Variants in SLC15A5 observed in about 807,000 individuals in gnomAD.
The protein encoded by SLC15A5 is Peptide/histidine transporter ENSP00000340402.
SLC15A5 carries 58 observed loss-of-function variants against 56.1 expected under a neutral mutation model. The ratio of observed to expected loss-of-function variants is 1.03; its 90% confidence interval spans 0.84 to 1.29. The LOEUF (loss-of-function observed/expected upper bound fraction) is 1.29, where lower values mean the gene tolerates loss of function less well. SLC15A5 is among the 50% of genes most tolerant of loss of function. SLC15A5 has a pLI of 0.00. For synonymous variants in SLC15A5, 264 were observed against 250.5 expected (o/e 1.05, Z -0.51); for missense variants, 681 against 672.1 (o/e 1.01, Z -0.15).
intron 5 of SLC15A5, among the ~76,000 whole-genome samples, chr12:16,234,687 A>G (rs1864330133): frequency 6.6e-6 from 1 of 152,164 alleles, no homozygotes; most frequent in African/African-American, 2.4e-5. Flanking sequence ...AGTCCACAAG[A>G]GTCTTGAAGT....
chr12:16,270,917 A>G (rs1195285573), intron 2 of SLC15A5, among the ~76,000 whole-genome samples: 1 of 152,246 alleles, frequency 6.6e-6, no homozygotes, highest in African/African-American at 2.4e-5. Context: ...AACCAGATTC[A>G]GCCTTCAAGG....
At chr12:16,209,883 A>G (rs1465794599) in intron 7 of SLC15A5, among the ~76,000 whole-genome samples, 1 of 152,170 alleles carries the variant, frequency 6.6e-6, no homozygotes, top group African/African-American at 2.4e-5. Context: ...TTCTTCCCTC[A>G]AAAATCATAC....
chr12:16,197,724 A>G (rs7966002), intron 7 of SLC15A5, among the ~76,000 whole-genome samples: 72,822 of 150,934 alleles, frequency 0.48, 18,008 homozygotes, highest in South Asian at 0.72. Flanking sequence ...TCTGTCTCCT[A>G]TAAGATACTT....
Position 16,199,743 on chromosome 12 carries a change from A to T in SLC15A5, c.1484-5290T>A, listed in dbSNP as rs541159147. Among the ~76,000 whole-genome samples the T allele has an allele frequency of 6.1e-4, 93 of 152,298 alleles. 1 individual carries two copies. Among genetic ancestry groups the T allele is most frequent in the African/African-American group, 2.2e-3 (92 of 41,578 alleles). Reference sequence around the variant, plus strand: ...GTACACCTAGTATGTATCAATAAAAAATTTTTTAAAATAATAAAAGAAGTA... The same window carrying T: ...GTACACCTAGTATGTATCAATAAAATATTTTTTAAAATAATAAAAGAAGTA... On this transcript the variant is annotated intron_variant, in intron 7 of 8. Transcript: ENST00000344941.
chr12:16,265,154 C>T (rs527985114), intron 2 of SLC15A5, among the ~76,000 whole-genome samples: 73 of 152,144 alleles, frequency 4.8e-4, no homozygotes, highest in Admixed American at 2.0e-3. Context: ...ATTGCAGATG[C>T]GGCAAGGTAG....
intron 3 of SLC15A5, among the ~76,000 whole-genome samples, chr12:16,249,951 T>G (rs565132110): frequency 8.1e-4 from 123 of 152,150 alleles, no homozygotes; most frequent in African/African-American, 2.8e-3. Flanking sequence ...ATTGACCGCA[T>G]TCTATAGACT....
At chr12:16,205,620 CACATATAT>C (rs1864011824) in intron 7 of SLC15A5, among the ~76,000 whole-genome samples, 1 of 113,430 alleles carries the variant, frequency 8.8e-6, no homozygotes, top group East Asian at 2.6e-4. Flanking sequence ...CATATATATA[CACATATAT>C]ATATACACAT....
chr12:16,270,891 T>TA (rs1486203901), intron 2 of SLC15A5, among the ~76,000 whole-genome samples: 1 of 151,866 alleles, frequency 6.6e-6, no homozygotes, highest in Non-Finnish European at 1.5e-5. Context: ...ACTGGAAAAA[T>TA]AAAAAAAGGC....
chr12:16,273,287 C>T (rs538827194), intron 1 of SLC15A5, among the ~76,000 whole-genome samples: 269 of 149,694 alleles, frequency 1.8e-3, no homozygotes, highest in Non-Finnish European at 3.2e-3. Flanking sequence ...TTTTTTCTTT[C>T]CTACTTCTGT....
chr12:16,251,869 T>C (rs1314412353), intron 3 of SLC15A5, among the ~76,000 whole-genome samples: 1 of 151,826 alleles, frequency 6.6e-6, no homozygotes, highest in Non-Finnish European at 1.5e-5. Flanking sequence ...ACAAGAAAAG[T>C]ACAGATCAAT....
chr12:16,263,945 C>G (rs1864667657), intron 2 of SLC15A5, among the ~76,000 whole-genome samples: 1 of 152,206 alleles, frequency 6.6e-6, no homozygotes, highest in African/African-American at 2.4e-5. Context: ...GCAGAGCCCT[C>G]TTGGACAACC....
chr12:16,218,528 C>A (rs75214240), intron 6 of SLC15A5, among the ~76,000 whole-genome samples: 3 of 152,142 alleles, frequency 2.0e-5, no homozygotes, highest in African/African-American at 7.2e-5. Flanking sequence ...TACTACACAC[C>A]TAGGCTATAT....
chr12:16,224,579 AT>A lies in SLC15A5; in HGVS notation c.1185del (p.Leu396CysfsTer3). 6.5e-7 allele frequency: 1 copy of A among 1,533,350 alleles called. No homozygotes were observed. Among genetic ancestry groups the A allele is most frequent in the Non-Finnish European group, 8.7e-7 (1 of 1,145,168 alleles). The allele number at this position is 1,533,350 out of a possible 1,614,324, so 95.0% of individuals were successfully genotyped here. On this transcript the variant is annotated frameshift_variant, in exon 6 of 9. Transcript: ENST00000344941. LOFTEE classifies it high-confidence loss of function. ...TCIIAGNLFA[A>X]LSVMIAGFFE... ...AAGAAGCCAGCTATCATCACAGACA[AT>A]GCAGCAAAAAGATTTCCAGCAACTG...
At position 16,267,658 on chromosome 12, in the gene SLC15A5, C is replaced by T. The variant is rs1297042242; in HGVS notation, c.584+4903G>A. Among the ~76,000 whole-genome samples the T allele has an allele frequency of 2.8e-5, 3 of 108,354 alleles. 1 individual carries two copies. The highest frequency in any genetic ancestry group is 5.7e-5 in the Non-Finnish European group (3 of 52,208). 71.1% of individuals were successfully genotyped at this position (108,354 alleles called of 152,430 possible). On this transcript the variant is annotated intron_variant, in intron 2 of 8. Transcript: ENST00000344941. ...CTCTTTAACCTGTTTCATTCCCTTT[C>T]TGTCCTTTCCCATTCCCTCTCCCTC...
intron 5 of SLC15A5, among the ~76,000 whole-genome samples, chr12:16,227,982 A>G (rs551455012): frequency 3.1e-4 from 47 of 152,354 alleles, no homozygotes; most frequent in African/African-American, 1.1e-3. Context: ...TGATAAAACC[A>G]TAGCAACTGA....
At chr12:16,252,830 GAAAAC>G (rs1259189039) in intron 3 of SLC15A5, among the ~76,000 whole-genome samples, 1 of 151,984 alleles carries the variant, frequency 6.6e-6, no homozygotes, top group Non-Finnish European at 1.5e-5. Flanking sequence ...TATTAATAGT[GAAAAC>G]AAACTTGAAA....
intron 5 of SLC15A5, among the ~76,000 whole-genome samples, chr12:16,225,008 G>A (rs905902838): frequency 2.6e-5 from 4 of 151,662 alleles, no homozygotes; most frequent in Non-Finnish European, 2.9e-5. Flanking sequence ...ATAGTTTGCT[G>A]AGAATGATGG....
At chr12:16,263,648 C>G (rs1013505501) in intron 2 of SLC15A5, among the ~76,000 whole-genome samples, 1 of 152,146 alleles carries the variant, frequency 6.6e-6, no homozygotes, top group African/African-American at 2.4e-5. Flanking sequence ...GCCCAGAGTT[C>G]TAAGAGGCAA....
At chr12:16,256,862 A>AT (rs200135720) in intron 3 of SLC15A5, among the ~76,000 whole-genome samples, 38 of 130,866 alleles carry the variant, frequency 2.9e-4, no homozygotes, top group South Asian at 5.4e-4. Flanking sequence ...CCGTCTCAAA[A>AT]AAAAAAAATA....
Sources: gnomAD v4.1 joint callset for allele counts (sites outside exome capture counted in the v4.1 genomes callset) on GRCh38, gnomAD v4.1.1 for gene constraint, MANE v1.5 for transcripts, NCBI Gene and HGNC (gene_info 2026-07-23, HGNC 2026-07-21) for gene names.